The following TSPOAP1 variants were observed in gnomAD, a reference collection of about 807,000 sequenced individuals.
TSPOAP1 encodes peripheral-type benzodiazepine receptor-associated protein 1.
Under a neutral mutation model 197.0 loss-of-function variants are expected in TSPOAP1, and 87 were observed. The observed-to-expected ratio is 0.44, with a 90% CI of 0.37 to 0.53. The LOEUF (loss-of-function observed/expected upper bound fraction) is 0.53. TSPOAP1 is among the 20% of genes least tolerant of loss of function. The pLI is 0.00. For synonymous variants in TSPOAP1, 913 were observed against 998.9 expected (o/e 0.91, Z 1.62); for missense variants, 2,174 against 2,411.3 (o/e 0.90, Z 2.06).
At chr17:58,315,909 A>G in intron 16 of TSPOAP1, 114 bp downstream of exon 16, 1 of 801,462 alleles carries the variant, frequency 1.2e-6, no homozygotes, top group Middle Eastern at 3.1e-4. Flanking sequence ...GGATGGATGG[A>G]TGGATGGATG....
In TSPOAP1 at chr17:58,322,897, C is replaced by T. The variant is rs952736755; in HGVS notation, c.1194+53G>A. 4 of 1,602,390 alleles carry T rather than the reference C, an allele frequency of 2.5e-6. No individual in the cohort carries two copies. The African/African-American group carries it at 4.0e-5, about 16-fold the overall frequency. ...GAGGAGAAAGCCCCTTGGCTGGGGA[C>T]CGGGGCAGTGGTGGGAGCACAGGTC... is the stretch of plus-strand genomic sequence containing the variant. On this transcript the variant is annotated intron_variant, in intron 8 of 31. Coordinates refer to ENST00000343736, the MANE Select transcript of TSPOAP1 (RefSeq NM_004758.4). This position sits in a 1 kb window ranked among gnomAD's most constrained non-coding sequence, Gnocchi z 5.0.
chr17:58,316,800 C>T (rs530802723), intron 14 of TSPOAP1, among the ~76,000 whole-genome samples: 2 of 152,244 alleles, frequency 1.3e-5, no homozygotes, highest in African/African-American at 2.4e-5. Context: ...CTACTGCACC[C>T]GCCAGGAAAT....
At chr17:58,306,228 A>T in intron 26 of TSPOAP1, 114 bp downstream of exon 26, 1 of 1,132,516 alleles carries the variant, frequency 8.8e-7, no homozygotes, top group Non-Finnish European at 1.3e-6. Flanking sequence ...AAGCAGCGCC[A>T]CCCACCAGCA....
rs142618139 is a variant in TSPOAP1, at chr17:58,308,745, C to T, written c.4527G>A (p.Ala1509=). 1.1e-5 allele frequency: 18 copies of T among 1,612,930 alleles called. No individual in the cohort carries two copies. The highest frequency in any genetic ancestry group is 1.6e-4 in the Middle Eastern group (1 of 6,082). Residue 1509 remains alanine (A), a synonymous_variant, in exon 22 of 32, where the codon GCG becomes GCA. Transcript: ENST00000343736. ...TGGTGATGCTGATGCCCCCGCTGCC[C>T]GCCTCCTGCTCATCCTCCGAATCAT... is the stretch of plus-strand genomic sequence containing the variant. ...IEYDSEDEQE[A]GSGGISITSS... is the part of the protein sequence containing the mutation.
intron 1 of TSPOAP1, among the ~76,000 whole-genome samples, chr17:58,327,239 C>G (rs928096957): frequency 6.6e-6 from 1 of 152,124 alleles, no homozygotes; most frequent in Non-Finnish European, 1.5e-5. Context: ...CCTCCACACT[C>G]CCCCTGTATC....
In TSPOAP1 at chr17:58,319,264, G is replaced by C; in HGVS notation, c.1525C>G (p.Arg509Gly). The change falls in exon 13 of 32, where the codon CGC becomes GGC. Residue 509 changes from arginine (R) to glycine (G), a missense_variant. By Grantham distance (125) the Arg-to-Gly change is moderately radical. Coordinates refer to ENST00000343736, the MANE Select transcript of TSPOAP1 (RefSeq NM_004758.4). Reference sequence around the variant, plus strand: ...AGGCTGAACTGCTCGGTTTGGCTGCGGCACTGTTCTTCGAGCTCTCGAACC... The same window carrying C: ...AGGCTGAACTGCTCGGTTTGGCTGCCGCACTGTTCTTCGAGCTCTCGAACC... ...ARVRELEEQC[R>G]SQTEQFSLLA... 6.3e-7 allele frequency: 1 copy of C among 1,595,576 alleles called. No individual in the cohort carries two copies. The highest frequency in any genetic ancestry group is 8.5e-7 in the Non-Finnish European group (1 of 1,171,224).
intron 7 of TSPOAP1, 55 bp from the exon 8 acceptor site, chr17:58,323,094 C>T (rs1295354173): frequency 1.3e-6 from 2 of 1,558,950 alleles, no homozygotes; most frequent in Non-Finnish European, 1.7e-6. Flanking sequence ...TTCCCCCTCT[C>T]CCCACACAGA....
In TSPOAP1 at chr17:58,310,227, C is replaced by T. The variant is rs1017388131; in HGVS notation, c.3700-69G>A. 20 of 1,470,430 alleles carry T rather than the reference C, an allele frequency of 1.4e-5. No homozygotes were observed. In the African/African-American group the frequency reaches 2.5e-4, roughly 18 times the overall value. 91.1% of individuals were successfully genotyped at this position (1,470,430 alleles called of 1,614,324 possible). A position where few individuals can be genotyped will look rare whatever the true frequency, so the allele number is the denominator to read the frequency against. On this transcript the variant is annotated intron_variant, in intron 20 of 31. Coordinates refer to ENST00000343736, the MANE Select transcript of TSPOAP1 (RefSeq NM_004758.4). ...GGGCACAGGGGGTTCCAGGCAGGGT[C>T]AGCCCCAGCCACAGTAACAAGGGTC... is the stretch of plus-strand genomic sequence containing the variant.
Position 58,304,823 on chromosome 17 carries a change from G to A in TSPOAP1, c.5544+238C>T, listed in dbSNP as rs986741966. On this transcript the variant is annotated intron_variant, in intron 30 of 31. Transcript: ENST00000343736. The surrounding 1 kb of genome is among the most constrained non-coding windows in gnomAD (Gnocchi z 4.2). ...CAGCCACCAGGTGTTGGCAGCTGGCGAGATGGCCTGAGGGTCAGGGTCACA... is the reference window on the plus strand; with the variant it reads ...CAGCCACCAGGTGTTGGCAGCTGGCAAGATGGCCTGAGGGTCAGGGTCACA... 6.3e-6 allele frequency: 4 copies of A among 634,238 alleles called. No homozygotes were observed. Among genetic ancestry groups the A allele is most frequent in the African/African-American group, 3.6e-5 (2 of 55,934 alleles). The allele number at this position is 634,238 out of a possible 1,614,324, so 39.3% of individuals were successfully genotyped here.
In TSPOAP1 at chr17:58,320,916, C is replaced by T. The variant is rs542173779; in HGVS notation, c.1423-335G>A. Reference sequence around the variant, plus strand: ...TCCTTCTCAGCCTCTTTTGCCTGCTCCCTGTCCCCCATTTTGAATGTTAGG... The same window carrying T: ...TCCTTCTCAGCCTCTTTTGCCTGCTTCCTGTCCCCCATTTTGAATGTTAGG... On this transcript the variant is annotated intron_variant, in intron 10 of 31. Transcript: ENST00000343736. 2.6e-5 allele frequency among the ~76,000 whole-genome samples: 4 copies of T among 152,212 alleles called. No homozygotes were observed. The East Asian group carries it at 7.7e-4, about 29-fold the overall frequency.
intron 14 of TSPOAP1, 106 bp downstream of exon 14, chr17:58,318,172 CAG>C: frequency 7.3e-7 from 1 of 1,372,370 alleles, no homozygotes. Flanking sequence ...CTTGGGACCC[CAG>C]AAGTTGCCAC....
chr17:58,315,932 A>ATGAATGGATGGATGGATGG, intron 16 of TSPOAP1, 91 bp downstream of exon 16: 2 of 608,398 alleles, frequency 3.3e-6, no homozygotes, highest in Non-Finnish European at 5.8e-6. Flanking sequence ...TGGATGGATG[A>ATGAATGGATGGATGGATGG]ATGGATGGAT....
At chr17:58,327,336 A>G (rs1349652394) in intron 1 of TSPOAP1, among the ~76,000 whole-genome samples, 1 of 152,212 alleles carries the variant, frequency 6.6e-6, no homozygotes, top group African/African-American at 2.4e-5. Flanking sequence ...GGGACGGGGC[A>G]GCAGCAGGGC....
intron 10 of TSPOAP1, chr17:58,321,965 C>G (rs1480948871): frequency 7.5e-6 from 2 of 265,680 alleles, no homozygotes; most frequent in African/African-American, 2.2e-5. Context: ...TTCTTCAGCT[C>G]TTCCCTGCCA....
In TSPOAP1 at chr17:58,302,377, G is replaced by C. The variant is rs114812628; in HGVS notation, c.*103C>G. On this transcript the variant is annotated 3_prime_UTR_variant, in exon 32 of 32. Transcript: ENST00000343736. The stretch of plus-strand genomic sequence containing the variant: ...GGGCTCCCCACGTTCAATCCTGGGG[G>C]CGCTGCCAGAGCTGGGGGTACAAGG... 6 of 1,288,474 alleles carry C rather than the reference G, an allele frequency of 4.7e-6. No individual in the cohort carries two copies. The highest frequency in any genetic ancestry group is 6.1e-6 in the Non-Finnish European group (6 of 988,452). 79.8% of individuals were successfully genotyped at this position (1,288,474 alleles called of 1,614,324 possible).
At chr17:58,320,234 T>G in intron 11 of TSPOAP1, 105 bp from the exon 12 acceptor site, 2 of 1,383,000 alleles carry the variant, frequency 1.4e-6, no homozygotes, top group Non-Finnish European at 2.0e-6. Flanking sequence ...TATCATCCAG[T>G]CAGCTCCCTG....
intron 18 of TSPOAP1, 146 bp downstream of exon 18, chr17:58,311,425 A>G (rs1971074617): frequency 7.7e-7 from 1 of 1,296,858 alleles, no homozygotes; most frequent in South Asian, 1.5e-5. Flanking sequence ...ATGTGCTGCC[A>G]AAGCCCATGC....
Position 58,326,591 on chromosome 17 carries a change from C to A in TSPOAP1, c.441+92G>T. The A allele has an allele frequency of 6.5e-7, 1 of 1,543,038 alleles. No homozygotes were observed. ...GGATTTTGTCACCTCCATTGAGCCC[C>A]CACTTGGAAAGATGTTCATGGGGTG... On this transcript the variant is annotated intron_variant, in intron 2 of 31. Coordinates refer to ENST00000343736, the MANE Select transcript of TSPOAP1 (RefSeq NM_004758.4). The surrounding 1 kb of genome is among the most constrained non-coding windows in gnomAD (Gnocchi z 4.7).
chr17:58,308,038 C>T, intron 22 of TSPOAP1, 97 bp from the exon 23 acceptor site: 1 of 1,229,104 alleles, frequency 8.1e-7, no homozygotes, highest in Non-Finnish European at 1.1e-6. Context: ...AGCAGCACAG[C>T]AGCGCAGGAG....
Sources: allele counts gnomAD v4.1 joint callset (sites outside exome capture counted in the v4.1 genomes callset), GRCh38; gene constraint gnomAD v4.1.1; non-coding constraint Gnocchi (gnomAD v3.1); transcripts MANE v1.5; gene names NCBI Gene and HGNC (gene_info 2026-07-23, HGNC 2026-07-21).